SENP2: variants seen among roughly 807,000 people sequenced by gnomAD.
The protein encoded by SENP2 is SUMO specific peptidase 2, also known as sentrin-specific protease 2.
Under a neutral mutation model 86.3 loss-of-function variants are expected in SENP2, and 16 were observed. The observed-to-expected ratio is 0.19, with a 90% confidence interval of 0.13 to 0.28. The LOEUF (loss-of-function observed/expected upper bound fraction) is 0.28. Among genes scored for constraint, SENP2 ranks in the 10% least tolerant of loss-of-function variants. SENP2 has a pLI of 1.00. For synonymous variants in SENP2, 222 were observed against 238.7 expected, an observed-to-expected ratio of 0.93 and a Z score of 0.64; for missense variants, 552 against 703.0, an observed-to-expected ratio of 0.79 and a Z score of 2.43.
chr3:185,617,503 T>C lies in SENP2; in HGVS notation c.1134T>C (p.Asn378=), dbSNP rs778290064. Residue 378 remains asparagine (N), a synonymous_variant, in exon 12 of 17, where the codon AAT becomes AAC. Coordinates refer to ENST00000296257, the MANE Select transcript of SENP2 (RefSeq NM_021627.3). Reference sequence around the variant, plus strand: ...AGGACATGGAAAAGGAAATCAGTAATGCCCTAGGCCATGGCCCACAGGATG... The same window carrying C: ...AGGACATGGAAAAGGAAATCAGTAACGCCCTAGGCCATGGCCCACAGGATG... ...LTEDMEKEIS[N]ALGHGPQDEI... is the part of the protein sequence containing the mutation. 4.3e-5 allele frequency: 69 copies of C among 1,610,892 alleles called. 3 individuals carry two copies. The South Asian group carries it at 7.2e-4, about 17-fold the overall frequency.
chr3:185,598,678 G>A, intron 3 of SENP2, 133 bp downstream of exon 3: 1 of 885,290 alleles, frequency 1.1e-6, no homozygotes, highest in Non-Finnish European at 1.7e-6. Flanking sequence ...TATTAGCTGT[G>A]CTATAAAGGC....
intron 16 of SENP2, among the ~76,000 whole-genome samples, chr3:185,628,364 T>C (rs765143948): frequency 9.2e-5 from 14 of 152,188 alleles, no homozygotes; most frequent in Non-Finnish European, 2.1e-4. Flanking sequence ...CTTGAACTCC[T>C]GACCTCAGGT....
chr3:185,601,232 A>G (rs1722334956), intron 5 of SENP2, among the ~76,000 whole-genome samples: 1 of 151,634 alleles, frequency 6.6e-6, no homozygotes, highest in African/African-American at 2.4e-5. Context: ...TTTAGTAGAT[A>G]TGGGGTTTCG....
chr3:185,621,836 T>C lies in SENP2; in HGVS notation c.1457T>C (p.Leu486Pro), dbSNP rs369071463. ...CTTTTTCCATTATAGGTGATTGACC[T>C]AAGAAAAAAGTGTCTTAAATATCTG... ...KVHWSLVVID[L>P]RKKCLKYLDS... Residue 486 changes from leucine to proline, a missense_variant, in exon 14 of 17, where the codon CTA becomes CCA. By Grantham distance (98) the Leu-to-Pro change is moderately conservative (BLOSUM62 -3). Transcript: ENST00000296257. 3 of 1,602,742 alleles carry C rather than the reference T, an allele frequency of 1.9e-6. No homozygotes were observed. Among genetic ancestry groups the C allele is most frequent in the Admixed American group, 1.7e-5 (1 of 59,780 alleles).
At chr3:185,620,462 A>G (rs978441254) in intron 13 of SENP2, among the ~76,000 whole-genome samples, 4 of 151,888 alleles carry the variant, frequency 2.6e-5, no homozygotes. Context: ...TATGTTTTTG[A>G]GATGGAGTCT....
At chr3:185,607,791 G>C (rs777234148) in intron 6 of SENP2, among the ~76,000 whole-genome samples, 3 of 152,198 alleles carry the variant, frequency 2.0e-5, no homozygotes, top group Non-Finnish European at 4.4e-5. Context: ...CTCCCAGAGT[G>C]CTGGGATTAC....
chr3:185,600,365 G>A (rs1354162751), intron 4 of SENP2, among the ~76,000 whole-genome samples: 1 of 152,204 alleles, frequency 6.6e-6, no homozygotes, highest in Non-Finnish European at 1.5e-5. Flanking sequence ...GGAGCCAGAT[G>A]TGTTTAGGAA....
intron 9 of SENP2, among the ~76,000 whole-genome samples, 183 bp from the exon 10 acceptor site, chr3:185,613,162 C>A (rs976289307): frequency 6.6e-6 from 1 of 152,200 alleles, no homozygotes; most frequent in African/African-American, 2.4e-5. Flanking sequence ...GACCATAAAA[C>A]CTGCAAAGCC....
In SENP2 at chr3:185,626,357, T is replaced by C; in HGVS notation, c.1671T>C (p.Asp557=). The change falls in exon 16 of 17, where the codon GAT becomes GAC. Residue 557 remains aspartate (D), a synonymous_variant. Transcript: ENST00000296257. ...DCGMFTCKYA[D]YISRDKPITF... Reference sequence around the variant, plus strand: ...GAATGTTTACTTGTAAATATGCAGATTATATTTCTAGGGACAAACCTATCA... The same window carrying C: ...GAATGTTTACTTGTAAATATGCAGACTATATTTCTAGGGACAAACCTATCA... 6.2e-7 allele frequency: 1 copy of C among 1,612,072 alleles called. No homozygotes were observed.
rs767417968 is a variant in SENP2, at chr3:185,586,876, G to T, written c.101+362G>T. Among the ~76,000 whole-genome samples, 1 of 152,216 alleles carries T rather than the reference G, an allele frequency of 6.6e-6. No individual in the cohort carries two copies. The highest frequency in any genetic ancestry group is 1.5e-5 in the Non-Finnish European group (1 of 68,036). The stretch of plus-strand genomic sequence containing the variant: ...CAAGTGTCATCTGCAGACATTAAGT[G>T]CAGTTGAAGTGAGATTCATAGCTTG... On this transcript the variant is annotated intron_variant, in intron 1 of 16. Transcript: ENST00000296257. This position sits in a 1 kb window ranked among gnomAD's most constrained non-coding sequence, Gnocchi z 4.3.
intron 16 of SENP2, 45 bp downstream of exon 16, chr3:185,626,438 A>G (rs1712147980): frequency 7.3e-7 from 1 of 1,371,976 alleles, no homozygotes; most frequent in Non-Finnish European, 1.0e-6. Flanking sequence ...ACTAAGCAAG[A>G]TAAGGCACTT....
At chr3:185,592,778 G>A (rs1452555874) in intron 2 of SENP2, among the ~76,000 whole-genome samples, 1 of 151,880 alleles carries the variant, frequency 6.6e-6, no homozygotes, top group Non-Finnish European at 1.5e-5. Context: ...CACCACACCC[G>A]GCTAATTTTT....
intron 10 of SENP2, 182 bp from the exon 11 acceptor site, chr3:185,614,382 G>C: frequency 1.7e-6 from 1 of 581,840 alleles, no homozygotes; most frequent in Non-Finnish European, 3.0e-6. Context: ...TGAGGCCTAG[G>C]TCTGGAGCTT....
intron 7 of SENP2, among the ~76,000 whole-genome samples, chr3:185,610,202 C>T (rs1322082932): frequency 6.9e-6 from 1 of 144,176 alleles, no homozygotes; most frequent in Non-Finnish European, 1.5e-5. Context: ...CTATTGTTGC[C>T]CAGGCTGGAG....
intron 13 of SENP2, among the ~76,000 whole-genome samples, chr3:185,621,176 A>AAAAAAAAG (rs1711852341): frequency 1.4e-5 from 2 of 146,524 alleles, no homozygotes; most frequent in East Asian, 2.0e-4. Context: ...AAAAAAAAAA[A>AAAAAAAAG]AGAGAGAGAG....
chr3:185,623,826 C>CAAAAAAAAAAAAAAAAAAAAAAAAAAA (rs63707460), intron 14 of SENP2, among the ~76,000 whole-genome samples, 172 bp from the exon 15 acceptor site: 1 of 47,788 alleles, frequency 2.1e-5, no homozygotes. Context: ...GACTCTGTCT[C>CAAAAAAAAAAAAAAAAAAAAAAAAAAA]AAAAAAAAAA....
chr3:185,605,383 A>T (rs1722480660), intron 5 of SENP2, among the ~76,000 whole-genome samples: 1 of 152,078 alleles, frequency 6.6e-6, no homozygotes. Context: ...AAAAAAAAGA[A>T]TAAGGGCATT....
At chr3:185,596,256 G>C (rs1167460230) in intron 2 of SENP2, among the ~76,000 whole-genome samples, 1 of 152,072 alleles carries the variant, frequency 6.6e-6, no homozygotes, top group African/African-American at 2.4e-5. Context: ...GAGCCACCGT[G>C]CCCAGCCTAA....
chr3:185,614,259 A>G (rs1711516476), intron 10 of SENP2, among the ~76,000 whole-genome samples: 1 of 152,224 alleles, frequency 6.6e-6, no homozygotes, highest in Non-Finnish European at 1.5e-5. Context: ...CTTTCATAAT[A>G]TCTTTTAAAC....
Sources: gnomAD v4.1 joint callset for allele counts (sites outside exome capture counted in the v4.1 genomes callset) on GRCh38, gnomAD v4.1.1 for gene constraint, Gnocchi (gnomAD v3.1) non-coding constraint, MANE v1.5 for transcripts, NCBI Gene and HGNC (gene_info 2026-07-23, HGNC 2026-07-21) for gene names.